Variants in LRCH3 observed in about 807,000 individuals in gnomAD.
The protein encoded by LRCH3 is leucine rich repeats and calponin homology domain containing 3.
LRCH3 carries 68 observed loss-of-function variants against 104.5 expected under a neutral mutation model. That is an observed-to-expected ratio of 0.65 (90% CI 0.54 to 0.80). The LOEUF (loss-of-function observed/expected upper bound fraction) is 0.80. Ranked by LOEUF, LRCH3 falls within the 30% of genes least tolerant of loss-of-function variation. LRCH3 has a pLI of 0.00. For synonymous variants in LRCH3, 344 were observed against 361.3 expected, an observed-to-expected ratio of 0.95 and a Z score of 0.54; for missense variants, 951 against 953.9, an observed-to-expected ratio of 1.00 and a Z score of 0.04.
At chr3:197,859,600 T>C (rs565182592) in intron 15 of LRCH3, among the ~76,000 whole-genome samples, 10 of 152,348 alleles carry the variant, frequency 6.6e-5, no homozygotes, top group African/African-American at 2.4e-4. Flanking sequence ...TTTGAAGGCC[T>C]CTAGGAGTGG....
chr3:197,812,774 C>T (rs1046800804), intron 1 of LRCH3, among the ~76,000 whole-genome samples: 1 of 152,052 alleles, frequency 6.6e-6, no homozygotes, highest in African/African-American at 2.4e-5. Flanking sequence ...GTTGGCCAGG[C>T]TGGTCTCGAA....
chr3:197,798,596 A>G (rs1052355933), intron 1 of LRCH3, among the ~76,000 whole-genome samples: 2 of 152,240 alleles, frequency 1.3e-5, no homozygotes, highest in African/African-American at 2.4e-5. Flanking sequence ...TTTCTAGGTA[A>G]GAAGAATGAG....
rs1741346970 is a variant in LRCH3 at position 197,865,221 on chromosome 3, C to A, written c.1717-202C>A. Among the ~76,000 whole-genome samples the A allele has an allele frequency of 2.0e-5, 3 of 152,172 alleles. No homozygotes were observed. The South Asian group carries it at 6.2e-4, about 32-fold the overall frequency. ...CTAGGCTGGTCTCAACTCCTGCTCT[C>A]AAGTAATCCTCGCACCTCAGCCTCC... On this transcript the variant is annotated intron_variant, in intron 15 of 20. Coordinates refer to ENST00000425562, the MANE Select transcript of LRCH3 (RefSeq NM_001365715.1).
chr3:197,854,751 A>G lies in LRCH3; in HGVS notation c.1644+306A>G, dbSNP rs2109430108. Reference sequence around the variant, plus strand: ...TTTAAATGTGTCTAATTCCAGGAGCACTTACTTTATTAATCATTAATTTGG... The same window carrying G: ...TTTAAATGTGTCTAATTCCAGGAGCGCTTACTTTATTAATCATTAATTTGG... On this transcript the variant is annotated intron_variant, in intron 14 of 20. Transcript: ENST00000425562. This position sits in a 1 kb window ranked among gnomAD's most constrained non-coding sequence, Gnocchi z 4.5. Among the ~76,000 whole-genome samples, 1 of 152,282 alleles carries G rather than the reference A, an allele frequency of 6.6e-6. No individual in the cohort carries two copies. Among genetic ancestry groups the G allele is most frequent in the African/African-American group, 2.4e-5 (1 of 41,558 alleles).
At chr3:197,828,487 A>G (rs1679660) in intron 5 of LRCH3, among the ~76,000 whole-genome samples, 109,812 of 151,320 alleles carry the variant, frequency 0.73, 41,562 homozygotes, top group East Asian at 0.94. Context: ...CTGGGAGTAC[A>G]GGTGCCTGCC....
At chr3:197,869,671 C>G (rs111820500) in intron 17 of LRCH3, among the ~76,000 whole-genome samples, 7 of 114,390 alleles carry the variant, frequency 6.1e-5, no homozygotes, top group Admixed American at 1.6e-4. Context: ...GGTAGAAAGC[C>G]ATGCAGTGTA....
intron 1 of LRCH3, among the ~76,000 whole-genome samples, chr3:197,807,749 AT>A (rs890915716): frequency 6.6e-6 from 1 of 151,894 alleles, no homozygotes; most frequent in African/African-American, 2.4e-5. Flanking sequence ...TTTTGAGTGT[AT>A]CTCTTTGTGT....
At chr3:197,870,891 G>A (rs954831546) in intron 18 of LRCH3, among the ~76,000 whole-genome samples, 2 of 152,118 alleles carry the variant, frequency 1.3e-5, no homozygotes, top group African/African-American at 4.8e-5. Context: ...TGAGATAGAT[G>A]GCTTATTCTA....
At chr3:197,834,697 T>A (rs910189702) in intron 8 of LRCH3, among the ~76,000 whole-genome samples, 15 of 152,212 alleles carry the variant, frequency 9.9e-5, no homozygotes, top group Admixed American at 9.2e-4. Flanking sequence ...TCTCACAAAC[T>A]GAAACTACTG....
intron 12 of LRCH3, chr3:197,850,566 T>C (rs1739447041): frequency 1.3e-6 from 2 of 1,587,134 alleles, no homozygotes; most frequent in African/African-American, 2.7e-5. Flanking sequence ...ATGAGCTCTG[T>C]AGGTCCGGCG....
rs1398195728 is a variant in LRCH3 at position 197,883,490 on chromosome 3, T to C, written c.2209-51T>C. The stretch of plus-strand genomic sequence containing the variant: ...ATTTTTTCCTTTCAGTTCTATGATA[T>C]TCATCCGATTTTCTTTTTTGTTTGT... On this transcript the variant is annotated intron_variant, in intron 20 of 20. Transcript: ENST00000425562. This position sits in a 1 kb window ranked among gnomAD's most constrained non-coding sequence, Gnocchi z 4.2. The C allele has an allele frequency of 3.3e-6, 5 of 1,518,082 alleles. No individual in the cohort carries two copies. The highest frequency in any genetic ancestry group is 2.5e-5 in the East Asian group (1 of 40,552). 94.0% of individuals were successfully genotyped at this position (1,518,082 alleles called of 1,614,324 possible).
intron 9 of LRCH3, among the ~76,000 whole-genome samples, chr3:197,837,800 A>T (rs530396288): frequency 6.6e-6 from 1 of 152,094 alleles, no homozygotes; most frequent in Non-Finnish European, 1.5e-5. Flanking sequence ...TAATCCCAGC[A>T]CTGTGGGAGG....
intron 20 of LRCH3, among the ~76,000 whole-genome samples, chr3:197,876,600 G>T (rs1433253344): frequency 6.6e-6 from 1 of 152,176 alleles, no homozygotes; most frequent in Non-Finnish European, 1.5e-5. Context: ...AGAAATAAAT[G>T]ACTTGGTGCC....
At chr3:197,830,736 CA>C in intron 6 of LRCH3, 33 bp from the exon 7 acceptor site, 1 of 1,530,734 alleles carries the variant, frequency 6.5e-7, no homozygotes, top group Non-Finnish European at 9.0e-7. Flanking sequence ...GTTAAAATAA[CA>C]AACTTTGCAG....
chr3:197,793,064 CA>C (rs1276477042), intron 1 of LRCH3, among the ~76,000 whole-genome samples: 1 of 152,238 alleles, frequency 6.6e-6, no homozygotes, highest in Non-Finnish European at 1.5e-5. Context: ...GTTGAGATTA[CA>C]GGCGTGAGCC....
intron 5 of LRCH3, 63 bp from the exon 6 acceptor site, chr3:197,829,501 T>C (rs549146282): frequency 3.0e-6 from 3 of 991,228 alleles, no homozygotes; most frequent in Non-Finnish European, 4.5e-6. Flanking sequence ...AATGTTGATA[T>C]GATAAAAAGG....
At position 197,861,260 on chromosome 3, in the gene LRCH3, T is replaced by TA. The variant is rs1740849020; in HGVS notation, c.1716+2355_1716+2356insA. On this transcript the variant is annotated intron_variant, in intron 15 of 20. Transcript: ENST00000425562. ...ATAATTCTCTTCCATGTGAACCCTT[T>TA]GCTAGCCGTTCTCAACTGGGATCCT... is the stretch of plus-strand genomic sequence containing the variant. Among the ~76,000 whole-genome samples, 3 of 152,222 alleles carry TA rather than the reference T, an allele frequency of 2.0e-5. No homozygotes were observed. In the South Asian group the frequency reaches 6.2e-4, roughly 31 times the overall value.
Position 197,843,684 on chromosome 3 carries a change from GA to G in LRCH3, c.1329-3714del, listed in dbSNP as rs879341567. ...GGGCAACAGATACGCCATCTCAAAA[GA>G]AAAAAAAAAAGTCTGCCTTATAGAG... On this transcript the variant is annotated intron_variant, in intron 10 of 20. Transcript: ENST00000425562. Among the ~76,000 whole-genome samples the G allele has an allele frequency of 4.4e-3, 628 of 142,300 alleles. 5 individuals carry two copies. Among genetic ancestry groups the G allele is most frequent in the Non-Finnish European group, 7.2e-3 (464 of 64,570 alleles). 93.4% of individuals were successfully genotyped at this position (142,300 alleles called of 152,430 possible). A position where few individuals can be genotyped will look rare whatever the true frequency, so the allele number is the denominator to read the frequency against.
chr3:197,883,610 G>T lies in LRCH3; in HGVS notation c.2278G>T (p.Ala760Ser), dbSNP rs1461350666. The T allele has an allele frequency of 6.5e-7, 1 of 1,536,018 alleles. No homozygotes were observed. Among genetic ancestry groups the T allele is most frequent in the Admixed American group, 2.0e-5 (1 of 50,984 alleles). Residue 760 changes from alanine to serine, a missense_variant, in exon 21 of 21, where the codon GCT (alanine) becomes TCT (serine). Transcript: ENST00000425562. This position sits in a 1 kb window ranked among gnomAD's most constrained non-coding sequence, Gnocchi z 4.2. ...GAGCCAGGTTGCAGTGACGGTCCAG[G>T]CTCTCCTGGAACTTGCCCCACCCAA... is the stretch of plus-strand genomic sequence containing the variant. ...GLSQVAVTVQ[A>S]LLELAPPKQQ... is the part of the protein sequence containing the mutation.
Sources: gnomAD v4.1 joint callset for allele counts (sites outside exome capture counted in the v4.1 genomes callset) on GRCh38, gnomAD v4.1.1 for gene constraint, Gnocchi (gnomAD v3.1) non-coding constraint, MANE v1.5 for transcripts, NCBI Gene and HGNC (gene_info 2026-07-23, HGNC 2026-07-21) for gene names.